NRG1: variants seen among roughly 807,000 people sequenced by gnomAD.
NRG1 encodes pro-neuregulin-1, membrane-bound isoform.
NRG1 carries 18 observed loss-of-function variants against 63.8 expected under a neutral mutation model. That is an observed-to-expected ratio of 0.28 (90% CI 0.19 to 0.42). The LOEUF is 0.42. Ranked by LOEUF, NRG1 falls within the 10% of genes least tolerant of loss-of-function variation. The pLI, the probability that NRG1 is intolerant of heterozygous loss-of-function variation, is 1.00. For missense variants in NRG1, 762 were observed against 814.7 expected, an observed-to-expected ratio of 0.94 and a Z score of 0.79; for synonymous variants, 302 against 301.3, an observed-to-expected ratio of 1.00 and a Z score of -0.02.
chr8:32,008,208 T>C (rs576934541), intron 1 of NRG1, among the ~76,000 whole-genome samples: 4 of 152,090 alleles, frequency 2.6e-5, no homozygotes, highest in African/African-American at 9.6e-5. Flanking sequence ...TTCTTTCATA[T>C]ATTTATTAGA....
intron 1 of NRG1, among the ~76,000 whole-genome samples, chr8:32,035,147 G>A (rs1818842479): frequency 6.6e-6 from 1 of 151,850 alleles, no homozygotes; most frequent in Non-Finnish European, 1.5e-5. Context: ...TATGTTGTCT[G>A]TTTGTTCTCA....
At chr8:32,583,028 C>G (rs182198102) in intron 1 of NRG1, among the ~76,000 whole-genome samples, 8 of 152,000 alleles carry the variant, frequency 5.3e-5, no homozygotes, top group African/African-American at 1.9e-4. Flanking sequence ...GGTAACTTTT[C>G]TTGATAGTTT....
At chr8:32,060,734 C>T (rs886655598) in intron 1 of NRG1, among the ~76,000 whole-genome samples, 3 of 151,810 alleles carry the variant, frequency 2.0e-5, no homozygotes, top group Non-Finnish European at 4.4e-5. Flanking sequence ...TTTATTTCTA[C>T]CCTTGGACTC....
chr8:32,696,258 G>A (rs891211353), intron 5 of NRG1, among the ~76,000 whole-genome samples: 2 of 152,158 alleles, frequency 1.3e-5, no homozygotes, highest in African/African-American at 4.8e-5. Flanking sequence ...GTTGGATAAT[G>A]TTATGATCCT....
At chr8:31,888,137 ATG>A (rs959872701) in intron 1 of NRG1, among the ~76,000 whole-genome samples, 5 of 151,952 alleles carry the variant, frequency 3.3e-5, no homozygotes, top group Admixed American at 6.6e-5. Context: ...TGTTTATTAT[ATG>A]TGTGTGTGTC....
At chr8:32,538,646 A>G (rs1832265879) in intron 1 of NRG1, among the ~76,000 whole-genome samples, 1 of 152,224 alleles carries the variant, frequency 6.6e-6, no homozygotes, top group South Asian at 2.1e-4. Context: ...GTTAAAGTAT[A>G]TTGAGTTGGA....
At chr8:32,226,676 T>C (rs1315413040) in intron 1 of NRG1, among the ~76,000 whole-genome samples, 1 of 152,182 alleles carries the variant, frequency 6.6e-6, no homozygotes, top group African/African-American at 2.4e-5. Flanking sequence ...GCTCTTTTCC[T>C]GGGGCATAGC....
At chr8:31,748,762 C>T (rs1041087919) in intron 1 of NRG1, among the ~76,000 whole-genome samples, 1 of 151,786 alleles carries the variant, frequency 6.6e-6, no homozygotes, top group African/African-American at 2.4e-5. Context: ...GGCACTCCTC[C>T]TTTCACTTTC....
chr8:31,813,291 A>T (rs1170718792), intron 1 of NRG1, among the ~76,000 whole-genome samples: 6 of 152,140 alleles, frequency 3.9e-5, no homozygotes, highest in Non-Finnish European at 4.4e-5. Context: ...GGTACATAGT[A>T]GGTGTATGTA....
At chr8:32,460,616 A>G (rs1587778661) in intron 1 of NRG1, among the ~76,000 whole-genome samples, 1 of 152,274 alleles carries the variant, frequency 6.6e-6, no homozygotes, top group Admixed American at 6.5e-5. Flanking sequence ...CTCAGTCAGC[A>G]TTTTACTTTG....
chr8:32,553,595 T>C (rs1834554017), intron 1 of NRG1, among the ~76,000 whole-genome samples: 2 of 152,308 alleles, frequency 1.3e-5, no homozygotes, highest in African/African-American at 4.8e-5. Flanking sequence ...TTTCAAGCTA[T>C]GAGAAGATTT....
At chr8:32,650,546 G>GCTC (rs943183939) in intron 5 of NRG1, among the ~76,000 whole-genome samples, 10 of 151,482 alleles carry the variant, frequency 6.6e-5, no homozygotes, top group Non-Finnish European at 1.2e-4. Flanking sequence ...TTGTTGTGGG[G>GCTC]AGAGTAGTGT....
At chr8:32,762,306 C>T (rs1304918073) in intron 11 of NRG1, among the ~76,000 whole-genome samples, 1 of 152,054 alleles carries the variant, frequency 6.6e-6, no homozygotes, top group Non-Finnish European at 1.5e-5. Flanking sequence ...GAGATGAAAT[C>T]ATTCTTCATC....
intron 1 of NRG1, among the ~76,000 whole-genome samples, chr8:32,582,529 C>T (rs892807077): frequency 6.6e-6 from 1 of 152,100 alleles, no homozygotes; most frequent in African/African-American, 2.4e-5. Flanking sequence ...TGACAGTATC[C>T]TATTCAAAGT....
intron 1 of NRG1, among the ~76,000 whole-genome samples, chr8:32,027,614 T>C (rs575803890): frequency 6.6e-6 from 1 of 152,166 alleles, no homozygotes; most frequent in African/African-American, 2.4e-5. Context: ...CTCACCATAC[T>C]GTTTGTTTTC....
chr8:32,436,643 A>G (rs1818827116), intron 1 of NRG1, among the ~76,000 whole-genome samples: 1 of 152,110 alleles, frequency 6.6e-6, no homozygotes, highest in Non-Finnish European at 1.5e-5. Flanking sequence ...GTCTTTTTCT[A>G]TGTAAAGCAG....
chr8:32,602,657 T>C (rs1046378311), intron 2 of NRG1, among the ~76,000 whole-genome samples: 1 of 152,122 alleles, frequency 6.6e-6, no homozygotes, highest in Non-Finnish European at 1.5e-5. Context: ...GCATTGAAAA[T>C]CAAGATACTA....
intron 1 of NRG1, among the ~76,000 whole-genome samples, chr8:32,204,090 CA>C (rs962757442): frequency 1.3e-5 from 2 of 152,148 alleles, no homozygotes; most frequent in African/African-American, 4.8e-5. Context: ...GGAGGAGCAG[CA>C]TGTTCAAAGG....
intron 1 of NRG1, among the ~76,000 whole-genome samples, chr8:32,123,254 T>G (rs1192601555): frequency 6.6e-6 from 1 of 151,910 alleles, no homozygotes; most frequent in Non-Finnish European, 1.5e-5. Context: ...TAATTCCCAT[T>G]TGTCATGGGA....
Sources: gnomAD v4.1 joint callset for allele counts (sites outside exome capture counted in the v4.1 genomes callset) on GRCh38, gnomAD v4.1.1 for gene constraint, MANE v1.5 for transcripts, NCBI Gene and HGNC (gene_info 2026-07-23, HGNC 2026-07-21) for gene names.